MTA3: variants seen among roughly 807,000 people sequenced by gnomAD.
MTA3 encodes the protein metastasis associated 1 family member 3.
Under a neutral mutation model 83.5 loss-of-function variants are expected in MTA3, and 34 were observed. The ratio of observed to expected loss-of-function variants is 0.41; its 90% CI spans 0.31 to 0.54. MTA3 has a LOEUF of 0.54. MTA3 is among the 20% of genes least tolerant of loss of function. The pLI is 0.33. For missense variants in MTA3, 761 were observed against 726.4 expected (o/e 1.05, Z -0.55); for synonymous variants, 303 against 252.7 (o/e 1.20, Z -1.89).
chr2:42,715,828 A>G (rs1160470102), intron 14 of MTA3, among the ~76,000 whole-genome samples: 1 of 152,216 alleles, frequency 6.6e-6, no homozygotes, highest in Non-Finnish European at 1.5e-5. Flanking sequence ...AATAAAAGGC[A>G]AATCTTATTA....
chr2:42,710,330 A>G (rs1418646013), intron 14 of MTA3, among the ~76,000 whole-genome samples: 2 of 152,130 alleles, frequency 1.3e-5, no homozygotes, highest in African/African-American at 2.4e-5. Flanking sequence ...AGGTGGGTGG[A>G]TCACCTGAGG....
chr2:42,557,332 T>G (rs1677446349), intron 2 of MTA3, among the ~76,000 whole-genome samples: 1 of 151,454 alleles, frequency 6.6e-6, no homozygotes. Context: ...CAGTCCAGAT[T>G]TTTCTTCATT....
At chr2:42,512,025 T>C (rs1381836521) in intron 2 of MTA3, among the ~76,000 whole-genome samples, 1 of 151,016 alleles carries the variant, frequency 6.6e-6, no homozygotes, top group Non-Finnish European at 1.5e-5. Flanking sequence ...TCAAAAAAAA[T>C]AAATAAATAA....
At chr2:42,711,452 A>C (rs1415694665) in intron 14 of MTA3, among the ~76,000 whole-genome samples, 1 of 152,212 alleles carries the variant, frequency 6.6e-6, no homozygotes, top group East Asian at 1.9e-4. Flanking sequence ...ATCTGGATGA[A>C]ATTCAGAGAG....
intron 2 of MTA3, among the ~76,000 whole-genome samples, chr2:42,524,237 A>G (rs1405972875): frequency 4.0e-5 from 6 of 148,768 alleles, no homozygotes; most frequent in Non-Finnish European, 8.9e-5. Flanking sequence ...TTCCCACACC[A>G]CTCCCTTTGA....
chr2:42,597,155 G>A lies in MTA3; in HGVS notation c.191-12303G>A, dbSNP rs1424920492. ...TCGAAATCCTGAGCTCAGGCAATCC[G>A]CCCACCTCGGCCTACCAAAGAATTG... On this transcript the variant is annotated intron_variant, in intron 3 of 16. Transcript: ENST00000405094. Among the ~76,000 whole-genome samples the A allele has an allele frequency of 8.6e-5, 13 of 151,796 alleles. No individual in the cohort carries two copies. The East Asian group carries it at 2.3e-3, about 27-fold the overall frequency.
intron 4 of MTA3, among the ~76,000 whole-genome samples, chr2:42,613,038 A>C (rs1443995651): frequency 1.3e-5 from 2 of 152,192 alleles, no homozygotes; most frequent in East Asian, 3.8e-4. Context: ...GGTTTCTTTT[A>C]ACAGATTGCC....
intron 2 of MTA3, among the ~76,000 whole-genome samples, chr2:42,559,017 C>T (rs1165662955): frequency 6.6e-6 from 1 of 152,148 alleles, no homozygotes; most frequent in Non-Finnish European, 1.5e-5. Flanking sequence ...GGCCTCTGCC[C>T]TCCTCTCCAC....
At chr2:42,672,524 A>G (rs1356489030) in intron 8 of MTA3, among the ~76,000 whole-genome samples, 1 of 151,036 alleles carries the variant, frequency 6.6e-6, no homozygotes, top group East Asian at 2.0e-4. Context: ...GGGCGCCTGT[A>G]ATCCCAGCTA....
intron 3 of MTA3, among the ~76,000 whole-genome samples, chr2:42,607,681 T>C (rs571787098): frequency 6.6e-6 from 1 of 152,168 alleles, no homozygotes; most frequent in Non-Finnish European, 1.5e-5. Flanking sequence ...TTCTCTTTAC[T>C]CTTCATCCAC....
At chr2:42,640,284 A>T in intron 5 of MTA3, 48 bp downstream of exon 5, 1 of 1,295,522 alleles carries the variant, frequency 7.7e-7, no homozygotes, top group Middle Eastern at 2.5e-4. Context: ...TTTATTTCAC[A>T]TGAAGCTCTT....
intron 8 of MTA3, 121 bp downstream of exon 8, chr2:42,659,983 G>T (rs556272474): frequency 1.8e-6 from 1 of 549,164 alleles, no homozygotes; most frequent in Non-Finnish European, 2.9e-6. Flanking sequence ...TGACTGCTAG[G>T]TTGATTTGGC....
intron 2 of MTA3, among the ~76,000 whole-genome samples, chr2:42,522,352 G>A (rs562336094): frequency 9.2e-5 from 14 of 152,302 alleles, no homozygotes; most frequent in African/African-American, 3.4e-4. Flanking sequence ...GTAGGGGCAG[G>A]TGAACTGTGG....
rs766725117 is a variant in MTA3 at position 42,632,961 on chromosome 2, C to CT, written c.318-7207dup. On this transcript the variant is annotated intron_variant, in intron 4 of 16. Coordinates refer to ENST00000405094, the MANE Select transcript of MTA3 (RefSeq NM_001330442.2). ...TCCAGATTTAATTCTCTTTGTACTC[C>CT]TTTTTAAAAAAAAAAAAATACAGTC... Among the ~76,000 whole-genome samples, 246 of 150,378 alleles carry CT rather than the reference C, an allele frequency of 1.6e-3. 1 individual carries two copies. Among genetic ancestry groups the CT allele is most frequent in the Middle Eastern group, 3.4e-3 (1 of 294 alleles).
chr2:42,636,147 G>T (rs1687171622), intron 4 of MTA3, among the ~76,000 whole-genome samples: 1 of 152,094 alleles, frequency 6.6e-6, no homozygotes, highest in Admixed American at 6.5e-5. Flanking sequence ...TAGATTCCTG[G>T]ACCCATCCCA....
intron 16 of MTA3, among the ~76,000 whole-genome samples, chr2:42,746,005 G>A (rs763241883): frequency 6.6e-6 from 1 of 151,068 alleles, no homozygotes; most frequent in South Asian, 2.1e-4. Flanking sequence ...GTAGAGACGG[G>A]GTTTCACCAT....
chr2:42,582,523 C>T (rs1679787956), intron 3 of MTA3, among the ~76,000 whole-genome samples: 4 of 152,110 alleles, frequency 2.6e-5, no homozygotes, highest in South Asian at 4.1e-4. Context: ...AGTGGTGGCT[C>T]ATGCTTGTAA....
chr2:42,518,773 C>T (rs749321646), intron 2 of MTA3, among the ~76,000 whole-genome samples: 13 of 151,890 alleles, frequency 8.6e-5, no homozygotes, highest in Non-Finnish European at 1.8e-4. Flanking sequence ...CAAGACCAAC[C>T]TGGGCAACAT....
Position 42,614,986 on chromosome 2 carries a change from A to AC in MTA3, c.317+5402_317+5403insC, listed in dbSNP as rs199572052. 9.5e-3 allele frequency among the ~76,000 whole-genome samples: 1,437 copies of AC among 150,818 alleles called. 25 individuals carry two copies. Among genetic ancestry groups the AC allele is most frequent in the African/African-American group, 0.034 (1,389 of 41,130 alleles). ...AGCAAGACTCTGTCTTAAAAAAAAA[A>AC]AAAACAAAAAGCAGAAAACCTAGGC... On this transcript the variant is annotated intron_variant, in intron 4 of 16. Coordinates refer to ENST00000405094, the MANE Select transcript of MTA3 (RefSeq NM_001330442.2).
Sources: allele counts gnomAD v4.1 joint callset (sites outside exome capture counted in the v4.1 genomes callset), GRCh38; gene constraint gnomAD v4.1.1; transcripts MANE v1.5; gene names NCBI Gene and HGNC (gene_info 2026-07-23, HGNC 2026-07-21).